Variants in ARFGEF3 observed in about 807,000 individuals in gnomAD.
ARFGEF3 encodes the protein brefeldin A-inhibited guanine nucleotide-exchange protein 3.
ARFGEF3 carries 96 observed loss-of-function variants against 221.7 expected under a neutral mutation model. The ratio of observed to expected loss-of-function variants is 0.43; its 90% CI spans 0.37 to 0.51. The LOEUF is 0.51. ARFGEF3 is among the 20% of genes least tolerant of loss of function. The pLI, the probability that ARFGEF3 is intolerant of heterozygous loss-of-function variation, is 0.00. For synonymous variants in ARFGEF3, 1,145 were observed against 1,126.8 expected (o/e 1.02, Z -0.32); for missense variants, 2,410 against 2,789.9 (o/e 0.86, Z 3.07).
chr6:138,233,797 TG>T (rs1198135664), intron 5 of ARFGEF3, among the ~76,000 whole-genome samples: 1 of 152,318 alleles, frequency 6.6e-6, no homozygotes, highest in Non-Finnish European at 1.5e-5. Context: ...ACAGATGCCT[TG>T]ATCTATTTAT....
chr6:138,258,175 A>G (rs1778720915), intron 10 of ARFGEF3, among the ~76,000 whole-genome samples: 2 of 151,696 alleles, frequency 1.3e-5, no homozygotes, highest in African/African-American at 4.9e-5. Context: ...ATTTTCCATC[A>G]CTTCCCTGGA....
At position 138,229,815 on chromosome 6, in the gene ARFGEF3, T is replaced by G. The variant is rs1199751260; in HGVS notation, c.383T>G (p.Phe128Cys). ...VLLCITYTPT[F>C]DLNGSAVLKI... ...CTATGCATCACCTACACGCCAACAT[T>G]TGATCTGAATGGGAGTGCCGTGCTG... The change falls in exon 5 of 34, where the codon TTT (phenylalanine) becomes TGT (cysteine). Residue 128 changes from phenylalanine to cysteine, a missense_variant. By Grantham distance (205) the Phe-to-Cys change is radical. Transcript: ENST00000251691. 1.9e-6 allele frequency: 3 copies of G among 1,613,672 alleles called. No homozygotes were observed. The African/African-American group carries it at 4.0e-5, about 22-fold the overall frequency.
At chr6:138,192,875 G>T (rs377676210) in intron 2 of ARFGEF3, among the ~76,000 whole-genome samples, 73 of 152,226 alleles carry the variant, frequency 4.8e-4, no homozygotes, top group African/African-American at 1.7e-3. Context: ...CCATTGTCAG[G>T]GCCTGAATTT....
At chr6:138,314,068 A>C in intron 26 of ARFGEF3, 129 bp downstream of exon 26, 3 of 955,838 alleles carry the variant, frequency 3.1e-6, no homozygotes, top group Non-Finnish European at 4.5e-6. Flanking sequence ...ATAAGAGAAT[A>C]CTTGAGAGTG....
chr6:138,326,938 C>T (rs1195339625), intron 31 of ARFGEF3, among the ~76,000 whole-genome samples: 6 of 152,212 alleles, frequency 3.9e-5, no homozygotes, highest in African/African-American at 7.2e-5. Flanking sequence ...GGAATGAGAT[C>T]ATGTCCTTTG....
intron 2 of ARFGEF3, among the ~76,000 whole-genome samples, chr6:138,191,291 G>A (rs544339686): frequency 3.9e-5 from 6 of 152,220 alleles, no homozygotes; most frequent in African/African-American, 1.2e-4. Flanking sequence ...TGATAACATG[G>A]AAATAATTAC....
At position 138,341,531 on chromosome 6, in the gene ARFGEF3, C is replaced by T. The variant is rs994413418; in HGVS notation, c.*5045C>T. The T allele has an allele frequency of 2.6e-5, 4 of 154,130 alleles. No homozygotes were observed. The highest frequency in any genetic ancestry group is 3.9e-4 in the East Asian group (2 of 5,180). 9.5% of individuals were successfully genotyped at this position (154,130 alleles called of 1,614,324 possible). ...TGACCCCAGGGAGATTTAGTGTGGC[C>T]TTAGGAAAGCAAAAGAGCACTTTTT... On this transcript the variant is annotated 3_prime_UTR_variant, in exon 34 of 34. Transcript: ENST00000251691.
rs1777696360 is a variant in ARFGEF3 at position 138,210,055 on chromosome 6, G to A, written c.351+14G>A. 2.5e-6 allele frequency: 4 copies of A among 1,612,414 alleles called. No homozygotes were observed. Among genetic ancestry groups the A allele is most frequent in the Non-Finnish European group, 3.4e-6 (4 of 1,179,150 alleles). On this transcript the variant is annotated intron_variant, in intron 4 of 33. Transcript: ENST00000251691. ...GAAGTGATGAAGGTTGGTTTGACGT[G>A]GCCAAGAGTGTGCGTCACTGGGACA...
intron 2 of ARFGEF3, among the ~76,000 whole-genome samples, chr6:138,181,644 G>A (rs149328711): frequency 1.1e-4 from 16 of 152,190 alleles, no homozygotes; most frequent in Admixed American, 7.2e-4. Context: ...GGGTTTTACC[G>A]TGTTGGCCAG....
At chr6:138,177,828 A>G (rs890738458) in intron 2 of ARFGEF3, among the ~76,000 whole-genome samples, 12 of 152,116 alleles carry the variant, frequency 7.9e-5, no homozygotes, top group South Asian at 2.1e-4. Context: ...TAAGATGTCT[A>G]TCTCCTTGGT....
At chr6:138,194,990 T>A (rs1222776295) in intron 2 of ARFGEF3, among the ~76,000 whole-genome samples, 1 of 65,158 alleles carries the variant, frequency 1.5e-5, no homozygotes, top group African/African-American at 7.9e-5. Flanking sequence ...TTTTCCCTAA[T>A]TTTTTTTTTT....
chr6:138,162,026 C>A lies in ARFGEF3; in HGVS notation c.-61C>A, dbSNP rs1014225981. On this transcript the variant is annotated 5_prime_UTR_variant, in exon 1 of 34. Coordinates refer to ENST00000251691, the MANE Select transcript of ARFGEF3 (RefSeq NM_020340.5). The surrounding 1 kb of genome is among the most constrained non-coding windows in gnomAD (Gnocchi z 4.7). ...CAGGGCCAGGCAGCGGCGGCTTCCC[C>A]GGCCCGGCTCGCCCGCGCTTCTCTC... 5.4e-5 allele frequency: 71 copies of A among 1,313,424 alleles called. No homozygotes were observed. The highest frequency in any genetic ancestry group is 6.3e-5 in the Non-Finnish European group (61 of 969,932). 81.4% of individuals were successfully genotyped at this position (1,313,424 alleles called of 1,614,324 possible).
At chr6:138,294,227 C>T (rs1322875615) in intron 20 of ARFGEF3, 101 bp downstream of exon 20, 5 of 1,247,758 alleles carry the variant, frequency 4.0e-6, no homozygotes, top group Non-Finnish European at 1.1e-6. Flanking sequence ...TCCACATTCC[C>T]ATTGCTTACA....
At chr6:138,279,415 A>C (rs1173136914) in intron 13 of ARFGEF3, among the ~76,000 whole-genome samples, 1 of 152,184 alleles carries the variant, frequency 6.6e-6, no homozygotes, top group East Asian at 1.9e-4. Context: ...GCTCATAAGC[A>C]CTTCCTGTAA....
intron 24 of ARFGEF3, among the ~76,000 whole-genome samples, chr6:138,309,614 T>C (rs1583060805): frequency 6.6e-6 from 1 of 152,142 alleles, no homozygotes; most frequent in Non-Finnish European, 1.5e-5. Context: ...CCTACAATTA[T>C]GGAGGCTGAG....
At chr6:138,316,080 A>G (rs1779920629) in intron 26 of ARFGEF3, among the ~76,000 whole-genome samples, 1 of 152,172 alleles carries the variant, frequency 6.6e-6, no homozygotes, top group South Asian at 2.1e-4. Context: ...TCTTTTAAAC[A>G]GTTGTAAACG....
rs1780330941 is a variant in ARFGEF3 at position 138,336,608 on chromosome 6, A to G, written c.*122A>G. On this transcript the variant is annotated 3_prime_UTR_variant, in exon 34 of 34. Transcript: ENST00000251691. The stretch of plus-strand genomic sequence containing the variant: ...AACTACTACTACTGTCTCAGAGAAC[A>G]GTGTTTCCTAATGTAAAAAGCCTTT... The G allele has an allele frequency of 1.3e-6, 1 of 768,880 alleles. No homozygotes were observed. Among genetic ancestry groups the G allele is most frequent in the African/African-American group, 1.8e-5 (1 of 55,756 alleles). The allele number at this position is 768,880 out of a possible 1,614,324, so 47.6% of individuals were successfully genotyped here. A position where few individuals can be genotyped will look rare whatever the true frequency, so the allele number is the denominator to read the frequency against.
chr6:138,308,688 C>T, intron 23 of ARFGEF3, 51 bp from the exon 24 acceptor site: 1 of 1,608,134 alleles, frequency 6.2e-7, no homozygotes, highest in African/African-American at 1.3e-5. Context: ...CCCTGGCAAA[C>T]CCGAGGGCAG....
At position 138,334,892 on chromosome 6, in the gene ARFGEF3, A is replaced by G. The variant is rs1780293903; in HGVS notation, c.6046A>G (p.Met2016Val). 3 of 1,591,838 alleles carry G rather than the reference A, an allele frequency of 1.9e-6. No individual in the cohort carries two copies. The highest frequency in any genetic ancestry group is 1.8e-5 in the Admixed American group (1 of 55,872). Reference protein sequence around the residue: ...WENAGNKIYTMAADKTISKLM... With the variant: ...WENAGNKIYTVAADKTISKLM... ...GAATGCGGGGAACAAAATCTACACC[A>G]TGGCAGCCGACAAGACCATTTCAAA... Residue 2016 changes from methionine (M) to valine (V), a missense_variant, in exon 33 of 34, where the codon ATG becomes GTG. Met to Val is a conservative substitution (Grantham distance 21). Around this residue, in one of 5 missense-constraint regions of ARFGEF3, gnomAD observed 339 missense variants for 334.9 expected, o/e 1.01. Transcript: ENST00000251691. This position sits in a 1 kb window ranked among gnomAD's most constrained non-coding sequence, Gnocchi z 5.1.
Sources: allele counts gnomAD v4.1 joint callset (sites outside exome capture counted in the v4.1 genomes callset), GRCh38; gene constraint gnomAD v4.1.1; regional missense constraint gnomAD v4.1.1; non-coding constraint Gnocchi (gnomAD v3.1); transcripts MANE v1.5; gene names NCBI Gene and HGNC (gene_info 2026-07-23, HGNC 2026-07-21).